The following LPAR1 variants were observed in gnomAD, a reference collection of about 807,000 sequenced individuals.
The protein encoded by LPAR1 is LPA receptor 1.
A neutral mutation model predicts 23.8 loss-of-function variants in LPAR1; 5 were observed. The ratio of observed to expected loss-of-function variants is 0.21; its 90% CI spans 0.11 to 0.44. The LOEUF (loss-of-function observed/expected upper bound fraction) is 0.44. LPAR1 is among the 20% of genes least tolerant of loss of function. The pLI, the probability that LPAR1 is intolerant of heterozygous loss-of-function variation, is 0.99. For synonymous variants in LPAR1, 160 were observed against 164.7 expected (o/e 0.97, Z 0.22); for missense variants, 311 against 482.8 (o/e 0.64, Z 3.33).
chr9:110,995,586 T>G (rs1227079685), intron 2 of LPAR1, among the ~76,000 whole-genome samples: 2 of 152,194 alleles, frequency 1.3e-5, no homozygotes, highest in Non-Finnish European at 2.9e-5. Context: ...GGATGAATTA[T>G]TCCCAGCTGG....
chr9:110,978,487 A>G (rs1438405255), intron 2 of LPAR1, among the ~76,000 whole-genome samples: 1 of 152,178 alleles, frequency 6.6e-6, no homozygotes, highest in Non-Finnish European at 1.5e-5. Flanking sequence ...TAAAAACTTT[A>G]GAAAACTATT....
chr9:110,908,852 A>G (rs572937986), intron 5 of LPAR1, among the ~76,000 whole-genome samples: 1 of 152,348 alleles, frequency 6.6e-6, no homozygotes, highest in African/African-American at 2.4e-5. Flanking sequence ...AGAACTACCA[A>G]TCAGATGCCA....
At chr9:110,894,217 CTGGGTAACT>C in intron 5 of LPAR1, among the ~76,000 whole-genome samples, 1 of 152,224 alleles carries the variant, frequency 6.6e-6, no homozygotes. Context: ...ATCTCCGAGG[CTGGGTAACT>C]TGGAGGACTT....
chr9:110,938,384 A>G (rs927618387), intron 5 of LPAR1, among the ~76,000 whole-genome samples: 8 of 152,276 alleles, frequency 5.3e-5, no homozygotes, highest in African/African-American at 1.4e-4. Flanking sequence ...AAAGAAACCA[A>G]TCCAAACCAG....
intron 5 of LPAR1, among the ~76,000 whole-genome samples, chr9:110,900,605 A>G (rs1027325756): frequency 6.6e-6 from 1 of 152,192 alleles, no homozygotes. Context: ...AAGTTTTTCT[A>G]CTTTTAATGT....
chr9:110,932,113 T>C (rs1336549972), intron 5 of LPAR1, among the ~76,000 whole-genome samples: 4 of 152,196 alleles, frequency 2.6e-5, no homozygotes, highest in African/African-American at 9.6e-5. Context: ...AGATCCACTA[T>C]CAAATCGCAT....
intron 2 of LPAR1, among the ~76,000 whole-genome samples, chr9:110,978,004 C>G (rs2096596162): frequency 6.6e-6 from 1 of 152,066 alleles, no homozygotes; most frequent in Admixed American, 6.6e-5. Context: ...TCTAAATCCA[C>G]CAGGCAAATA....
At chr9:110,969,730 T>G (rs889819716) in intron 4 of LPAR1, among the ~76,000 whole-genome samples, 9 of 151,268 alleles carry the variant, frequency 5.9e-5, no homozygotes, top group African/African-American at 2.2e-4. Flanking sequence ...AAAAAAGAAA[T>G]AAATAAAATG....
intron 5 of LPAR1, among the ~76,000 whole-genome samples, chr9:110,909,729 GTATTTATTTATTTATTTATT>G (rs56693702): frequency 6.8e-6 from 1 of 147,780 alleles, no homozygotes; most frequent in African/African-American, 2.5e-5. Context: ...ATTAAATAAA[GTATTTATTTATTTATTTATT>G]TATTTATTTA....
chr9:111,032,726 T>C (rs1213657310), intron 2 of LPAR1, among the ~76,000 whole-genome samples: 1 of 152,210 alleles, frequency 6.6e-6, no homozygotes, highest in Non-Finnish European at 1.5e-5. Context: ...GAGCATTGTT[T>C]AGACACATAA....
chr9:111,033,205 G>C (rs928027092), intron 2 of LPAR1, among the ~76,000 whole-genome samples: 1 of 152,094 alleles, frequency 6.6e-6, no homozygotes, highest in African/African-American at 2.4e-5. Context: ...CTGATTAGAT[G>C]ACAGGGACAT....
At chr9:110,901,929 A>C (rs1375885990) in intron 5 of LPAR1, among the ~76,000 whole-genome samples, 1 of 152,220 alleles carries the variant, frequency 6.6e-6, no homozygotes, top group Non-Finnish European at 1.5e-5. Flanking sequence ...TAGTCCCTGC[A>C]CAAGAATTCT....
intron 5 of LPAR1, among the ~76,000 whole-genome samples, chr9:110,884,479 T>C (rs182880425): frequency 3.3e-5 from 5 of 152,302 alleles, no homozygotes; most frequent in Admixed American, 3.3e-4. Flanking sequence ...GTGTCTATTA[T>C]TACCTAACAA....
At chr9:110,958,594 A>C (rs146380476) in intron 4 of LPAR1, among the ~76,000 whole-genome samples, 13 of 152,280 alleles carry the variant, frequency 8.5e-5, no homozygotes, top group Admixed American at 5.9e-4. Flanking sequence ...TAAAGACTTT[A>C]TTAAGACTGC....
At chr9:110,976,471 C>T (rs954610001) in intron 2 of LPAR1, among the ~76,000 whole-genome samples, 3 of 152,178 alleles carry the variant, frequency 2.0e-5, no homozygotes, top group African/African-American at 7.2e-5. Flanking sequence ...CACCACTGCA[C>T]TCCAGCCTGG....
At chr9:110,937,203 A>C (rs1027215654) in intron 5 of LPAR1, among the ~76,000 whole-genome samples, 2 of 152,242 alleles carry the variant, frequency 1.3e-5, no homozygotes, top group African/African-American at 4.8e-5. Context: ...CTGCCCAGGG[A>C]AACAAAGCCC....
At chr9:110,959,838 G>A (rs189860490) in intron 4 of LPAR1, among the ~76,000 whole-genome samples, 6 of 152,210 alleles carry the variant, frequency 3.9e-5, no homozygotes, top group Admixed American at 3.9e-4. Flanking sequence ...AATCATGTCA[G>A]TTGCAGCAAC....
At position 110,951,025 on chromosome 9, in the gene LPAR1, C is replaced by T. The variant is rs376018644; in HGVS notation, c.46-8857G>A. 1.9e-4 allele frequency among the ~76,000 whole-genome samples: 29 copies of T among 152,096 alleles called. No individual in the cohort carries two copies. In the East Asian group the frequency reaches 3.1e-3, roughly 16 times the overall value. On this transcript the variant is annotated intron_variant, in intron 4 of 5. Coordinates refer to ENST00000683809, the MANE Select transcript of LPAR1 (RefSeq NM_001351411.2). ...TATTGGCATAGAAATACATGGATAG[C>T]CCAATGGAACAGAATAAAGAGCCTG...
intron 5 of LPAR1, among the ~76,000 whole-genome samples, chr9:110,890,839 C>A (rs2083917618): frequency 6.6e-6 from 1 of 152,132 alleles, no homozygotes; most frequent in Non-Finnish European, 1.5e-5. Flanking sequence ...CAATGACTTG[C>A]CTGGTAAAAT....
Sources: gnomAD v4.1 joint callset for allele counts (sites outside exome capture counted in the v4.1 genomes callset) on GRCh38, gnomAD v4.1.1 for gene constraint, MANE v1.5 for transcripts, NCBI Gene and HGNC (gene_info 2026-07-23, HGNC 2026-07-21) for gene names.